The following CHRM2 variants were observed in gnomAD, a reference collection of about 807,000 sequenced individuals.
The protein encoded by CHRM2 is cholinergic receptor muscarinic 2.
In CHRM2, 8 loss-of-function variants were observed where a neutral mutation model predicts 25.0. The ratio of observed to expected loss-of-function variants is 0.32; its 90% CI spans 0.19 to 0.58. The LOEUF (loss-of-function observed/expected upper bound fraction) is 0.58. CHRM2 is among the 20% of genes least tolerant of loss of function. CHRM2 has a pLI of 0.88. For missense variants in CHRM2, 440 were observed against 567.1 expected, an observed-to-expected ratio of 0.78 and a Z score of 2.28; for synonymous variants, 202 against 205.7, an observed-to-expected ratio of 0.98 and a Z score of 0.15.
chr7:136,942,648 T>G (rs1799839219), intron 2 of CHRM2, among the ~76,000 whole-genome samples: 1 of 152,196 alleles, frequency 6.6e-6, no homozygotes, highest in South Asian at 2.1e-4. Context: ...TGACAGAGGC[T>G]CACCTTCACT....
chr7:136,899,127 T>C (rs1351954241), intron 2 of CHRM2: 2 of 152,126 alleles, frequency 1.3e-5, no homozygotes, highest in East Asian at 3.9e-4. Flanking sequence ...TAATCTCCCA[T>C]ACATTACAAT....
chr7:136,885,453 A>G (rs184942969), intron 2 of CHRM2, among the ~76,000 whole-genome samples: 13 of 152,304 alleles, frequency 8.5e-5, no homozygotes, highest in Admixed American at 5.2e-4. Flanking sequence ...TATCAGTAAC[A>G]TTTTCATCTT....
chr7:136,986,774 C>G (rs906021849), intron 2 of CHRM2, among the ~76,000 whole-genome samples: 3 of 152,290 alleles, frequency 2.0e-5, no homozygotes, highest in African/African-American at 7.2e-5. Flanking sequence ...ACCTGCAAAA[C>G]ATATAAGTTA....
chr7:136,990,042 A>C (rs1803115858), intron 2 of CHRM2, among the ~76,000 whole-genome samples: 1 of 152,082 alleles, frequency 6.6e-6, no homozygotes, highest in Non-Finnish European at 1.5e-5. Context: ...TCTCTGCTGC[A>C]TCATCATGAT....
Position 137,009,553 on chromosome 7 carries a change from T to C in CHRM2, c.-46-5267T>C, listed in dbSNP as rs577781908. ...GGTCTAAACCAAGGTCCCAACTCAA[T>C]GTTGGGGTGTTGGACTTAGTCATAT... On this transcript the variant is annotated intron_variant, in intron 3 of 3. Coordinates refer to ENST00000680005, the MANE Select transcript of CHRM2 (RefSeq NM_001006630.2). Among the ~76,000 whole-genome samples the C allele has an allele frequency of 1.4e-3, 212 of 152,128 alleles. 3 individuals carry two copies. The highest frequency in any genetic ancestry group is 0.014 in the Middle Eastern group (4 of 294).
intron 2 of CHRM2, among the ~76,000 whole-genome samples, chr7:136,919,706 C>T (rs1006287368): frequency 6.6e-6 from 1 of 152,108 alleles, no homozygotes; most frequent in African/African-American, 2.4e-5. Flanking sequence ...CTCTGGTGTT[C>T]TACTTTTCCA....
intron 2 of CHRM2, among the ~76,000 whole-genome samples, chr7:136,981,425 T>C (rs1415892861): frequency 6.6e-6 from 1 of 152,220 alleles, no homozygotes; most frequent in Non-Finnish European, 1.5e-5. Flanking sequence ...GAAGGGCTTT[T>C]CATGTCTCTA....
intron 2 of CHRM2, among the ~76,000 whole-genome samples, chr7:136,921,599 C>G (rs1198919522): frequency 6.6e-6 from 1 of 152,014 alleles, no homozygotes; most frequent in African/African-American, 2.4e-5. Context: ...GGTTTAGATT[C>G]TAAGATACAT....
At chr7:136,955,559 C>T (rs1330823142) in intron 2 of CHRM2, among the ~76,000 whole-genome samples, 1 of 152,178 alleles carries the variant, frequency 6.6e-6, no homozygotes, top group African/African-American at 2.4e-5. Flanking sequence ...CATGACAGAA[C>T]ATAGTCCAGC....
At chr7:136,949,459 T>TAAAAAAAAAAAAAAA (rs386411435) in intron 2 of CHRM2, among the ~76,000 whole-genome samples, 2 of 120,856 alleles carry the variant, frequency 1.7e-5, no homozygotes, top group African/African-American at 6.6e-5. Flanking sequence ...TCTGCAAAAC[T>TAAAAAAAAAAAAAAA]AAAAAAAAAA....
chr7:137,016,558 T>A lies in CHRM2; in HGVS notation c.*292T>A. On this transcript the variant is annotated 3_prime_UTR_variant, in exon 4 of 4. Transcript: ENST00000680005. The stretch of plus-strand genomic sequence containing the variant: ...TCATAATCTCTTGAAGAAGGGCTTC[T>A]GATTCTACAATTTTATCAGTCTCTG... 2.6e-6 allele frequency: 1 copy of A among 390,792 alleles called. No homozygotes were observed. Among genetic ancestry groups the A allele is most frequent in the East Asian group, 5.6e-5 (1 of 17,968 alleles). 24.2% of individuals were successfully genotyped at this position (390,792 alleles called of 1,614,324 possible). A position where few individuals can be genotyped will look rare whatever the true frequency, so the allele number is the denominator to read the frequency against.
At chr7:137,001,415 G>A (rs1804026536) in intron 3 of CHRM2, among the ~76,000 whole-genome samples, 1 of 152,152 alleles carries the variant, frequency 6.6e-6, no homozygotes, top group Non-Finnish European at 1.5e-5. Context: ...GAGGCAAGCT[G>A]TTCATAAGTT....
At chr7:136,950,139 T>C (rs985605863) in intron 2 of CHRM2, among the ~76,000 whole-genome samples, 3 of 152,206 alleles carry the variant, frequency 2.0e-5, no homozygotes, top group Non-Finnish European at 4.4e-5. Flanking sequence ...CTCTTTTTTA[T>C]TGGTCATAAA....
At chr7:136,892,714 A>T in intron 2 of CHRM2, among the ~76,000 whole-genome samples, 1 of 151,210 alleles carries the variant, frequency 6.6e-6, no homozygotes, top group Non-Finnish European at 1.5e-5. Flanking sequence ...CTGTTGCCCA[A>T]GCTGGAGTGC....
At chr7:136,895,105 C>A (rs1307016704) in intron 2 of CHRM2, among the ~76,000 whole-genome samples, 5 of 152,064 alleles carry the variant, frequency 3.3e-5, no homozygotes, top group African/African-American at 4.8e-5. Context: ...TGTATGAATT[C>A]AAATAGTCTT....
At chr7:136,985,504 CAAAAAAAAAAAAA>C (rs974105875) in intron 2 of CHRM2, among the ~76,000 whole-genome samples, 7 of 59,758 alleles carry the variant, frequency 1.2e-4, no homozygotes, top group Non-Finnish European at 8.4e-5. Context: ...AGTTAGACTC[CAAAAAAAAAAAAA>C]AAAAAAAAAA....
Position 137,016,099 on chromosome 7 carries a change from T to C in CHRM2, c.1234T>C (p.Phe412Leu). Residue 412 changes from phenylalanine to leucine, a missense_variant, in exon 4 of 4, where the codon TTT becomes CTT. Physicochemically the swap from Phe to Leu is conservative, Grantham distance 22. This residue lies in a region of CHRM2 where 65 missense variants were observed against 108.9 expected (regional missense o/e 0.60). Transcript: ENST00000680005. ...CAATGTCATGGTGCTCATTAACACC[T>C]TTTGTGCACCTTGCATCCCCAACAC... The part of the protein sequence containing the change: ...PYNVMVLINT[F>L]CAPCIPNTVW... 6.2e-7 allele frequency: 1 copy of C among 1,612,216 alleles called. No homozygotes were observed. Among genetic ancestry groups the C allele is most frequent in the Non-Finnish European group, 8.5e-7 (1 of 1,178,908 alleles).
intron 3 of CHRM2, among the ~76,000 whole-genome samples, chr7:137,000,215 T>TC (rs1803901817): frequency 9.2e-6 from 1 of 108,720 alleles, no homozygotes; most frequent in Non-Finnish European, 2.1e-5. Context: ...TTTTTTTTTT[T>TC]TCGGACAGAG....
intron 2 of CHRM2, among the ~76,000 whole-genome samples, chr7:136,905,509 T>G (rs1797487116): frequency 6.6e-6 from 1 of 151,814 alleles, no homozygotes; most frequent in Admixed American, 6.6e-5. Flanking sequence ...TTTTCTCTGT[T>G]CTGTTCAGTA....
Sources: gnomAD v4.1 joint callset for allele counts (sites outside exome capture counted in the v4.1 genomes callset) on GRCh38, gnomAD v4.1.1 for gene constraint, gnomAD v4.1.1 regional missense constraint, MANE v1.5 for transcripts, NCBI Gene and HGNC (gene_info 2026-07-23, HGNC 2026-07-21) for gene names.